AMMECR1: variants seen among roughly 807,000 people sequenced by gnomAD.
The protein encoded by AMMECR1 is nuclear protein AMMECR1.
In AMMECR1, 3 loss-of-function variants were observed where a neutral mutation model predicts 22.5. That is an observed-to-expected ratio of 0.13 (90% CI 0.06 to 0.35). The LOEUF is 0.35. Ranked by LOEUF, AMMECR1 falls within the 10% of genes least tolerant of loss-of-function variation. The pLI is 1.00. For missense variants in AMMECR1, 235 were observed against 278.7 expected (o/e 0.84, Z 1.12); for synonymous variants, 130 against 116.7 (o/e 1.11, Z -0.74).
chrX:110,227,572 C>CT (rs1293840506), intron 2 of AMMECR1, among the ~76,000 whole-genome samples: 1 of 111,954 alleles, frequency 8.9e-6, no homozygotes, highest in African/African-American at 3.3e-5. Context: ...TTTTCCCCAC[C>CT]TTTTGTATGC....
intron 1 of AMMECR1, among the ~76,000 whole-genome samples, chrX:110,315,285 T>C (rs978496605): frequency 8.9e-6 from 1 of 112,263 alleles, no homozygotes; most frequent in Admixed American, 9.4e-5. Flanking sequence ...TGAAGATAAA[T>C]GGAAATAAGA....
chrX:110,353,416 G>A (rs1298418022), intron 2 of AMMECR1, among the ~76,000 whole-genome samples: 1 of 108,727 alleles, frequency 9.2e-6, no homozygotes. Context: ...TTATTTAAGA[G>A]CTTTCTTCTA....
At chrX:110,307,309 TAAAC>T (rs1448324924) in intron 1 of AMMECR1, 2 of 109,039 alleles carry the variant, frequency 1.8e-5, no homozygotes, top group Non-Finnish European at 3.8e-5. Flanking sequence ...GATAAACTGA[TAAAC>T]AAAAAATGGC....
At chrX:110,276,178 C>T (rs1161335385) in intron 1 of AMMECR1, among the ~76,000 whole-genome samples, 1 of 111,798 alleles carries the variant, frequency 8.9e-6, no homozygotes, top group East Asian at 2.8e-4. Context: ...TTTATTTCTT[C>T]AATGAATTTT....
At chrX:110,312,997 A>G (rs763352451) in intron 1 of AMMECR1, among the ~76,000 whole-genome samples, 1 of 112,408 alleles carries the variant, frequency 8.9e-6, no homozygotes, top group Non-Finnish European at 1.9e-5. Flanking sequence ...AACATATAAC[A>G]GAAATATAAT....
chrX:110,333,739 T>C (rs2068130344), intron 2 of AMMECR1, among the ~76,000 whole-genome samples: 1 of 109,750 alleles, frequency 9.1e-6, no homozygotes, highest in African/African-American at 3.3e-5. Flanking sequence ...AAGGAAGCAC[T>C]ACATGTTCTC....
intron 2 of AMMECR1, among the ~76,000 whole-genome samples, chrX:110,323,129 C>T (rs760974053): frequency 3.6e-5 from 4 of 112,281 alleles, no homozygotes; most frequent in African/African-American, 1.3e-4. Context: ...ATTTCTATTG[C>T]AGATACTTCA....
chrX:110,236,191 T>C (rs1241690476), intron 2 of AMMECR1, among the ~76,000 whole-genome samples: 1 of 112,039 alleles, frequency 8.9e-6, no homozygotes, highest in Non-Finnish European at 1.9e-5. Flanking sequence ...TCAACAAATA[T>C]GTATTGAGTG....
chrX:110,417,558 G>A (rs1437340931), intron 2 of AMMECR1, among the ~76,000 whole-genome samples: 3 of 111,874 alleles, frequency 2.7e-5, no homozygotes, highest in Non-Finnish European at 5.6e-5. Flanking sequence ...CTTCCCAGCA[G>A]GTTTTGTGAT....
At chrX:110,356,087 G>GGAAAAT (rs1017611670) in intron 2 of AMMECR1, among the ~76,000 whole-genome samples, 6 of 109,929 alleles carry the variant, frequency 5.5e-5, no homozygotes, top group Non-Finnish European at 7.6e-5. Flanking sequence ...GGAGGAGGAG[G>GGAAAAT]GTTGGGGAAA....
At chrX:110,281,627 A>C (rs905377924) in intron 1 of AMMECR1, among the ~76,000 whole-genome samples, 6 of 112,069 alleles carry the variant, frequency 5.4e-5, no homozygotes, top group Non-Finnish European at 9.4e-5. Context: ...ACCATACAAG[A>C]AAGCAAGATC....
chrX:110,380,888 A>G (rs2068414091), intron 2 of AMMECR1, among the ~76,000 whole-genome samples: 1 of 112,565 alleles, frequency 8.9e-6, no homozygotes, highest in African/African-American at 3.2e-5. Context: ...TAACTGGCAT[A>G]TGCAGAAGAT....
intron 2 of AMMECR1, among the ~76,000 whole-genome samples, chrX:110,378,499 C>T (rs762183165): frequency 6.2e-5 from 7 of 112,239 alleles, no homozygotes; most frequent in Non-Finnish European, 9.4e-5. Flanking sequence ...GAGTAACGTA[C>T]TAGCTCCTCA....
At chrX:110,388,805 C>T (rs964088107) in intron 2 of AMMECR1, among the ~76,000 whole-genome samples, 2 of 111,702 alleles carry the variant, frequency 1.8e-5, no homozygotes, top group Admixed American at 9.5e-5. Flanking sequence ...AAGTAGTTGG[C>T]TCAAGAGTAG....
chrX:110,242,042 CTAGGAGTCT>C (rs2067636115), intron 2 of AMMECR1, among the ~76,000 whole-genome samples: 1 of 111,171 alleles, frequency 9.0e-6, no homozygotes, highest in Non-Finnish European at 1.9e-5. Flanking sequence ...GGCTCACTGC[CTAGGAGTCT>C]TAGTTACCTT....
intron 2 of AMMECR1, among the ~76,000 whole-genome samples, chrX:110,370,654 C>A (rs937240946): frequency 8.9e-6 from 1 of 112,389 alleles, no homozygotes; most frequent in Non-Finnish European, 1.9e-5. Context: ...TCCCTACATG[C>A]TGTAATGTGG....
At chrX:110,274,530 A>G (rs1051201581) in intron 1 of AMMECR1, among the ~76,000 whole-genome samples, 1 of 111,584 alleles carries the variant, frequency 9.0e-6, no homozygotes, top group Admixed American at 9.5e-5. Context: ...CTGAAGTCCA[A>G]TTCATCTCTT....
intron 1 of AMMECR1, among the ~76,000 whole-genome samples, chrX:110,305,144 T>C (rs1249748082): frequency 2.7e-5 from 3 of 112,283 alleles, no homozygotes; most frequent in African/African-American, 9.7e-5. Flanking sequence ...GCCTATTTTA[T>C]AGATTTCTCA....
chrX:110,203,814 A>C (rs2067408625), intron 3 of AMMECR1, among the ~76,000 whole-genome samples: 1 of 111,961 alleles, frequency 8.9e-6, no homozygotes, highest in African/African-American at 3.2e-5. Context: ...TCCTCTGGGA[A>C]AATCCATTTC....
Sources: allele counts gnomAD v4.1 joint callset (sites outside exome capture counted in the v4.1 genomes callset), GRCh38; gene constraint gnomAD v4.1.1; transcripts MANE v1.5; gene names NCBI Gene and HGNC (gene_info 2026-07-23, HGNC 2026-07-21).